The following FAM217A variants were observed in gnomAD, a reference collection of about 807,000 sequenced individuals.
FAM217A encodes the protein family with sequence similarity 217 member A, also known as protein FAM217A.
FAM217A carries 13 observed loss-of-function variants against 18.5 expected under a neutral mutation model. The observed-to-expected ratio is 0.70, with a 90% CI of 0.46 to 1.12. FAM217A has a LOEUF of 1.12. FAM217A is among the 50% of genes most tolerant of loss of function. The pLI is 0.00. For missense variants in FAM217A, 560 were observed against 575.4 expected (o/e 0.97, Z 0.27); for synonymous variants, 161 against 202.8 (o/e 0.79, Z 1.75).
intron 6 of FAM217A, among the ~76,000 whole-genome samples, chr6:4,072,546 T>C (rs1769499392): frequency 6.6e-6 from 1 of 151,870 alleles, no homozygotes; most frequent in Non-Finnish European, 1.5e-5. Context: ...GTGGATCACC[T>C]GAGGTCGGGA....
In FAM217A at chr6:4,069,281, A is replaced by C. The variant is rs753963104; in HGVS notation, c.942T>G (p.Thr314=). Residue 314 remains threonine (T), a synonymous_variant, in exon 7 of 7, where the codon ACT becomes ACG. Transcript: ENST00000274673. Reference sequence around the variant, plus strand: ...AAGAGGGTCGTTCAGTAACTGCTGGAGTACAGAAAGTCGTTTGTAGTCTTG... The same window carrying C: ...AAGAGGGTCGTTCAGTAACTGCTGGCGTACAGAAAGTCGTTTGTAGTCTTG... The part of the protein sequence containing the change: ...ERPRLQTTFC[T]PAVTERPSSS... 3 of 1,614,064 alleles carry C rather than the reference A, an allele frequency of 1.9e-6. No individual in the cohort carries two copies. In the East Asian group the frequency reaches 6.7e-5, roughly 36 times the overall value.
chr6:4,076,065 G>A lies in FAM217A; in HGVS notation c.60+1290C>T, dbSNP rs530152308. 3.6e-4 allele frequency among the ~76,000 whole-genome samples: 54 copies of A among 150,558 alleles called. 1 individual carries two copies. Among genetic ancestry groups the A allele is most frequent in the Admixed American group, 3.3e-3 (50 of 15,116 alleles). ...GTGAGGGCCGGGCGCAGTGGCTCAA[G>A]TGGCAGTAATCCCAGCATTTTGGGA... On this transcript the variant is annotated intron_variant, in intron 2 of 6. Transcript: ENST00000274673.
intron 2 of FAM217A, chr6:4,084,506 A>C: frequency 1.5e-6 from 1 of 680,178 alleles, no homozygotes; most frequent in South Asian, 1.6e-5. Context: ...TATACTCTGT[A>C]ACTCTATTTT....
upstream of FAM217A, among the ~76,000 whole-genome samples, chr6:4,080,495 C>T (rs536514287): frequency 6.6e-6 from 1 of 152,342 alleles, no homozygotes; most frequent in South Asian, 2.1e-4. Flanking sequence ...GGTAGAAGCA[C>T]AATCGATGTA....
chr6:4,078,828 C>T (rs1367341177), intron 1 of FAM217A, 24 bp downstream of exon 1: 1 of 448,970 alleles, frequency 2.2e-6, no homozygotes, highest in African/African-American at 2.0e-5. Flanking sequence ...GCGGGATTCC[C>T]CGGGGCCGGG....
chr6:4,077,345 C>A lies in FAM217A; in HGVS notation c.60+10G>T, dbSNP rs1375753784. The A allele has an allele frequency of 9.9e-6, 16 of 1,614,070 alleles. No homozygotes were observed. Among genetic ancestry groups the A allele is most frequent in the Non-Finnish European group, 1.4e-5 (16 of 1,179,936 alleles). On this transcript the variant is annotated intron_variant, in intron 2 of 6. Coordinates refer to ENST00000274673, the MANE Select transcript of FAM217A (RefSeq NM_173563.3). Reference sequence around the variant, plus strand: ...GCCCAAACACTCAAGTTCAACAGCGCCTGCCATACCTCCTGAGAGATGTTT... The same window carrying A: ...GCCCAAACACTCAAGTTCAACAGCGACTGCCATACCTCCTGAGAGATGTTT...
chr6:4,074,562 T>A lies in FAM217A; in HGVS notation c.145+15A>T. Reference sequence around the variant, plus strand: ...GATTCTTTCAGTATAAGTATACACATCTAGGATTTCTTACCACCTGCTGCT... The same window carrying A: ...GATTCTTTCAGTATAAGTATACACAACTAGGATTTCTTACCACCTGCTGCT... On this transcript the variant is annotated intron_variant, in intron 3 of 6. Transcript: ENST00000274673. The A allele has an allele frequency of 6.2e-7, 1 of 1,604,178 alleles. No individual in the cohort carries two copies. The highest frequency in any genetic ancestry group is 8.5e-7 in the Non-Finnish European group (1 of 1,171,218).
chr6:4,074,665 A>G lies in FAM217A; in HGVS notation c.61-4T>C. 2 of 1,591,260 alleles carry G rather than the reference A, an allele frequency of 1.3e-6. No individual in the cohort carries two copies. The highest frequency in any genetic ancestry group is 1.7e-6 in the Non-Finnish European group (2 of 1,160,498). On this transcript the variant is annotated splice_polypyrimidine_tract_variant and splice_region_variant and intron_variant, in intron 2 of 6. Coordinates refer to ENST00000274673, the MANE Select transcript of FAM217A (RefSeq NM_173563.3). ...CCAAATTCCAGTGAGATAAGTTCTA[A>G]AACAATATTTGTTTTAGGATAAACT... is the stretch of plus-strand genomic sequence containing the variant.
intron 6 of FAM217A, 33 bp downstream of exon 6, chr6:4,073,242 A>G: frequency 1.3e-6 from 2 of 1,483,044 alleles, no homozygotes; most frequent in Non-Finnish European, 9.3e-7. Context: ...TATTTCAGTA[A>G]TTTAGGGTGT....
At chr6:4,079,578 C>T (rs1216832173), upstream of FAM217A, 2 of 1,286,192 alleles carry the variant, frequency 1.6e-6, no homozygotes, top group Non-Finnish European at 2.0e-6. Context: ...AGGCTGAGCT[C>T]TCCGCGACAT....
At chr6:4,083,943 CAAAT>C (rs550093165), upstream of FAM217A, among the ~76,000 whole-genome samples, 22 of 152,286 alleles carry the variant, frequency 1.4e-4, 1 homozygote, top group Admixed American at 3.9e-4. Context: ...TTTTTGTTCT[CAAAT>C]AAGATGCTAA....
chr6:4,079,068 G>A lies in FAM217A; in HGVS notation c.-251C>T, dbSNP rs1770075439. ...GCGAAGCCCGCGGGCCGGCGCAGGGGTGGGAGTCGGGCCCGGGGCCCAGAG... is the reference window on the plus strand; with the variant it reads ...GCGAAGCCCGCGGGCCGGCGCAGGGATGGGAGTCGGGCCCGGGGCCCAGAG... On this transcript the variant is annotated 5_prime_UTR_variant, in exon 1 of 7. Transcript: ENST00000274673. 2.7e-6 allele frequency: 1 copy of A among 364,580 alleles called. No homozygotes were observed. Among genetic ancestry groups the A allele is most frequent in the African/African-American group, 2.1e-5 (1 of 46,724 alleles). 22.6% of individuals were successfully genotyped at this position (364,580 alleles called of 1,614,324 possible).
chr6:4,086,901 A>G (rs754471154), intron 1 of FAM217A: 2 of 398,606 alleles, frequency 5.0e-6, no homozygotes, highest in Admixed American at 4.4e-5. Flanking sequence ...TTGGTCTGCA[A>G]TGAAGAATGG....
rs189149656 is a variant in FAM217A, at chr6:4,084,339, A to C, written c.251+239T>G. ...TATTAACATATTTCCAAAAGGAAGCAAAATAAACACATCAATCACTGAATT... is the reference window on the plus strand; with the variant it reads ...TATTAACATATTTCCAAAAGGAAGCCAAATAAACACATCAATCACTGAATT... On this transcript the variant is annotated intron_variant, in intron 2 of 8. Coordinates refer to the FAM217A transcript ENST00000639338. Among the ~76,000 whole-genome samples, 32 of 152,356 alleles carry C rather than the reference A, an allele frequency of 2.1e-4. 1 individual carries two copies. The highest frequency in any genetic ancestry group is 1.7e-3 in the Admixed American group (26 of 15,308).
At chr6:4,071,522 G>T (rs978305349) in intron 6 of FAM217A, among the ~76,000 whole-genome samples, 16 of 152,142 alleles carry the variant, frequency 1.1e-4, no homozygotes, top group Non-Finnish European at 2.1e-4. Context: ...CATCTAGGAA[G>T]TGGGAGAGCT....
Position 4,069,346 on chromosome 6 carries a change from G to T in FAM217A, c.877C>A (p.Leu293Ile). Residue 293 changes from leucine to isoleucine, a missense_variant, in exon 7 of 7, where the codon CTA becomes ATA. Physicochemically the swap from Leu to Ile is conservative, Grantham distance 5. Coordinates refer to ENST00000274673, the MANE Select transcript of FAM217A (RefSeq NM_173563.3). ...VEHLITRLLE[L>I]ERLQHMTIQK... ...ATAGTCATATGTTGTAATCGTTCTA[G>T]TTCCAGTAAACGAGTTATCAAGTGT... 1.2e-6 allele frequency: 2 copies of T among 1,614,090 alleles called. No homozygotes were observed. Among genetic ancestry groups the T allele is most frequent in the Non-Finnish European group, 1.7e-6 (2 of 1,180,008 alleles).
intron 4 of FAM217A, among the ~76,000 whole-genome samples, chr6:4,074,163 A>G (rs1769611570): frequency 6.6e-6 from 1 of 152,118 alleles, no homozygotes; most frequent in African/African-American, 2.4e-5. Context: ...GCTTCAAGAC[A>G]TTTTAAAGGA....
chr6:4,083,737 A>G (rs1171474365), upstream of FAM217A, among the ~76,000 whole-genome samples: 1 of 152,018 alleles, frequency 6.6e-6, no homozygotes, highest in Non-Finnish European at 1.5e-5. Context: ...TATTTATAGT[A>G]GAGACGAGGT....
chr6:4,083,223 T>C (rs1036386609), upstream of FAM217A, among the ~76,000 whole-genome samples: 1 of 152,218 alleles, frequency 6.6e-6, no homozygotes, highest in Non-Finnish European at 1.5e-5. Context: ...AGTAGTCCAG[T>C]AAGCACAGCT....
Sources: allele counts gnomAD v4.1 joint callset (sites outside exome capture counted in the v4.1 genomes callset), GRCh38; gene constraint gnomAD v4.1.1; transcripts MANE v1.5; gene names NCBI Gene and HGNC (gene_info 2026-07-23, HGNC 2026-07-21).